The following CCL28 variants were observed in gnomAD, a reference collection of about 807,000 sequenced individuals.
CCL28 encodes the protein C-C motif chemokine 28.
In CCL28, 4 loss-of-function variants were observed where a neutral mutation model predicts 7.1. That is an observed-to-expected ratio of 0.56 (90% CI 0.28 to 1.29). The LOEUF is 1.29. Among genes scored for constraint, CCL28 ranks in the 50% most tolerant of loss-of-function variants. The pLI is 0.11. For missense variants in CCL28, 151 were observed against 163.4 expected, an observed-to-expected ratio of 0.92 and a Z score of 0.41; for synonymous variants, 55 against 57.8, an observed-to-expected ratio of 0.95 and a Z score of 0.22.
chr5:43,371,235 C>A, the CCL28 span, among the ~76,000 whole-genome samples: 1 of 152,176 alleles, frequency 6.6e-6, no homozygotes, highest in Non-Finnish European at 1.5e-5. Flanking sequence ...CTACCTTCTC[C>A]CCAGAGTAAC....
Position 43,390,649 on chromosome 5 carries a change from G to A in CCL28, c.65-2173C>T, listed in dbSNP as rs368979129. Reference sequence around the variant, plus strand: ...GTGGGTTTCAAATGGATCCAGAGCAGCTGCCCAACAGAGGAACCACAAAAC... The same window carrying A: ...GTGGGTTTCAAATGGATCCAGAGCAACTGCCCAACAGAGGAACCACAAAAC... On this transcript the variant is annotated intron_variant, in intron 1 of 2. Transcript: ENST00000361115. Among the ~76,000 whole-genome samples the A allele has an allele frequency of 2.4e-4, 37 of 152,376 alleles. 1 individual carries two copies. Among genetic ancestry groups the A allele is most frequent in the African/African-American group, 8.9e-4 (37 of 41,588 alleles).
intron 1 of CCL28, among the ~76,000 whole-genome samples, chr5:43,399,881 T>C (rs974591593): frequency 2.0e-5 from 3 of 151,764 alleles, no homozygotes; most frequent in Non-Finnish European, 4.4e-5. Flanking sequence ...CGTCTTGTTC[T>C]GTTGCCCAGG....
intron 1 of CCL28, among the ~76,000 whole-genome samples, chr5:43,402,041 G>A (rs1741060349): frequency 6.6e-6 from 1 of 152,170 alleles, no homozygotes; most frequent in Non-Finnish European, 1.5e-5. Flanking sequence ...CATGTCCAGT[G>A]AGATGCTTCC....
rs188153684 is a variant in CCL28 at position 43,388,563 on chromosome 5, A to G, written c.65-87T>C. Reference sequence around the variant, plus strand: ...TCATTTTAAAGATTTCAGAGAAACAATGTTAATCCACACAAACAAGGGGCA... The same window carrying G: ...TCATTTTAAAGATTTCAGAGAAACAGTGTTAATCCACACAAACAAGGGGCA... On this transcript the variant is annotated intron_variant, in intron 1 of 2. Coordinates refer to ENST00000361115, the MANE Select transcript of CCL28 (RefSeq NM_148672.3). 59 of 1,342,744 alleles carry G rather than the reference A, an allele frequency of 4.4e-5. No individual in the cohort carries two copies. In the Admixed American group the frequency reaches 1.0e-3, roughly 23 times the overall value. The allele number at this position is 1,342,744 out of a possible 1,614,324, so 83.2% of individuals were successfully genotyped here.
At chr5:43,399,803 T>C (rs1463658215) in intron 1 of CCL28, among the ~76,000 whole-genome samples, 1 of 152,122 alleles carries the variant, frequency 6.6e-6, no homozygotes, top group East Asian at 1.9e-4. Flanking sequence ...TTTTAGTATC[T>C]GATCAAAAGC....
chr5:43,373,595 C>A (rs948531711), downstream of CCL28, among the ~76,000 whole-genome samples: 1 of 152,168 alleles, frequency 6.6e-6, no homozygotes, highest in Non-Finnish European at 1.5e-5. Flanking sequence ...CCACCACACC[C>A]GGACTAACAC....
downstream of CCL28, among the ~76,000 whole-genome samples, chr5:43,372,962 G>A (rs548780986): frequency 6.4e-4 from 95 of 149,584 alleles, no homozygotes; most frequent in African/African-American, 2.0e-3. Context: ...CACCACGCCC[G>A]GCTAATTTTT....
intron 1 of CCL28, among the ~76,000 whole-genome samples, chr5:43,402,334 C>G (rs1426495682): frequency 6.6e-6 from 1 of 151,894 alleles, no homozygotes; most frequent in Non-Finnish European, 1.5e-5. Context: ...CTAATAGGAC[C>G]TTGATTAATA....
chr5:43,381,164 A>G lies in CCL28; in HGVS notation c.*696T>C, dbSNP rs1238410460. On this transcript the variant is annotated 3_prime_UTR_variant, in exon 3 of 3. Transcript: ENST00000361115. ...CAAAACAAGATATATTTTAAAAGTT[A>G]TAATATTTTATATAGAAACACATAC... 1 of 152,170 alleles carries G rather than the reference A, an allele frequency of 6.6e-6. No homozygotes were observed. The highest frequency in any genetic ancestry group is 1.5e-5 in the Non-Finnish European group (1 of 68,026). The allele number at this position is 152,170 out of a possible 1,614,324, so 9.4% of individuals were successfully genotyped here. A position where few individuals can be genotyped will look rare whatever the true frequency, so the allele number is the denominator to read the frequency against.
the CCL28 span, among the ~76,000 whole-genome samples, chr5:43,370,870 T>G: frequency 1.3e-5 from 2 of 151,796 alleles, no homozygotes; most frequent in Non-Finnish European, 2.9e-5. Context: ...GCCTTCTGAG[T>G]AGCTGGGATT....
At position 43,409,992 on chromosome 5, in the gene CCL28, T is replaced by A. The variant is rs562908727; in HGVS notation, c.64+2261A>T. 4.6e-5 allele frequency among the ~76,000 whole-genome samples: 7 copies of A among 152,332 alleles called. No homozygotes were observed. The South Asian group carries it at 1.4e-3, about 32-fold the overall frequency. ...CTGCTTCCTGATTTATGCAAAACAC[T>A]TAGGGAATGCCAGTTATTGAGCCAT... On this transcript the variant is annotated intron_variant, in intron 1 of 2. Coordinates refer to ENST00000361115, the MANE Select transcript of CCL28 (RefSeq NM_148672.3).
intron 1 of CCL28, among the ~76,000 whole-genome samples, chr5:43,394,597 T>G (rs997557220): frequency 9.2e-5 from 14 of 152,198 alleles, no homozygotes; most frequent in African/African-American, 3.4e-4. Context: ...TTCTAATTAG[T>G]TAATTTTTAT....
chr5:43,369,285 T>C, the CCL28 span, among the ~76,000 whole-genome samples: 1 of 152,160 alleles, frequency 6.6e-6, no homozygotes, highest in Non-Finnish European at 1.5e-5. Flanking sequence ...GCTCATTAGT[T>C]GGTTAATTTC....
At chr5:43,373,332 A>G (rs557733362), downstream of CCL28, among the ~76,000 whole-genome samples, 26 of 149,120 alleles carry the variant, frequency 1.7e-4, no homozygotes, top group African/African-American at 5.9e-4. Context: ...ATGACGTCTC[A>G]CTCTTTTGCC....
chr5:43,404,478 A>G (rs967052929), intron 1 of CCL28, among the ~76,000 whole-genome samples: 1 of 152,230 alleles, frequency 6.6e-6, no homozygotes, highest in Non-Finnish European at 1.5e-5. Context: ...TGTCACCACC[A>G]GGCCTGTCTT....
At chr5:43,399,754 T>C (rs1740955025) in intron 1 of CCL28, among the ~76,000 whole-genome samples, 1 of 152,200 alleles carries the variant, frequency 6.6e-6, no homozygotes, top group Non-Finnish European at 1.5e-5. Context: ...GTCAATATGA[T>C]AAATCATTTG....
At chr5:43,364,346 T>C in the CCL28 span, among the ~76,000 whole-genome samples, 4 of 152,104 alleles carry the variant, frequency 2.6e-5, no homozygotes, top group African/African-American at 9.7e-5. Flanking sequence ...TGTGTATGTA[T>C]GTGTATTGTG....
intron 1 of CCL28, among the ~76,000 whole-genome samples, chr5:43,405,022 A>G (rs1741210630): frequency 6.6e-6 from 1 of 152,182 alleles, no homozygotes; most frequent in Admixed American, 6.5e-5. Flanking sequence ...GCTCTTAGAG[A>G]CCTACAAAGA....
At chr5:43,412,101 G>A (rs1257423381) in intron 1 of CCL28, 152 bp downstream of exon 1, 28 of 521,988 alleles carry the variant, frequency 5.4e-5, no homozygotes, top group Non-Finnish European at 9.0e-5. Flanking sequence ...AGAATTTAAA[G>A]CTATGTCATT....
Sources: gnomAD v4.1 joint callset for allele counts (sites outside exome capture counted in the v4.1 genomes callset) on GRCh38, gnomAD v4.1.1 for gene constraint, MANE v1.5 for transcripts, NCBI Gene and HGNC (gene_info 2026-07-23, HGNC 2026-07-21) for gene names.